MEI4: variants seen among roughly 807,000 people sequenced by gnomAD.
The protein encoded by MEI4 is meiosis-specific protein MEI4.
A neutral mutation model predicts 31.4 loss-of-function variants in MEI4; 27 were observed. That is an observed-to-expected ratio of 0.86 (90% CI 0.63 to 1.19). MEI4 has a LOEUF of 1.19. Among genes scored for constraint, MEI4 ranks in the 50% most tolerant of loss-of-function variants. The probability of loss-of-function intolerance (pLI) is 0.00; values close to 1 mark genes in which losing one functional copy is unlikely to be tolerated. For synonymous variants in MEI4, 122 were observed against 145.4 expected, an observed-to-expected ratio of 0.84 and a Z score of 1.16; for missense variants, 329 against 398.9, an observed-to-expected ratio of 0.82 and a Z score of 1.49.
chr6:77,923,051 T>TATG (rs1766746260), intron 4 of MEI4, 38 bp from the exon 5 acceptor site: 1 of 1,204,880 alleles, frequency 8.3e-7, no homozygotes, highest in Admixed American at 4.3e-5. Context: ...AGGTAATTTA[T>TATG]ACCCAATTTT....
At chr6:77,908,344 T>C (rs1766348363) in intron 4 of MEI4, among the ~76,000 whole-genome samples, 1 of 152,158 alleles carries the variant, frequency 6.6e-6, no homozygotes, top group Non-Finnish European at 1.5e-5. Context: ...AAGGAAGGGA[T>C]CCAGTTTCAG....
intron 4 of MEI4, among the ~76,000 whole-genome samples, chr6:77,860,843 C>T (rs1770846767): frequency 6.6e-6 from 1 of 152,116 alleles, no homozygotes; most frequent in Admixed American, 6.5e-5. Flanking sequence ...TATCTCTCTC[C>T]CTCTTCATAT....
intron 2 of MEI4, among the ~76,000 whole-genome samples, chr6:77,717,129 G>A (rs1766600944): frequency 1.5e-5 from 2 of 133,834 alleles, no homozygotes; most frequent in Admixed American, 7.8e-5. Flanking sequence ...TTGATCATCT[G>A]TGGGTGTTTC....
At chr6:77,778,682 A>G (rs1768519469) in intron 3 of MEI4, among the ~76,000 whole-genome samples, 2 of 151,906 alleles carry the variant, frequency 1.3e-5, no homozygotes, top group Non-Finnish European at 2.9e-5. Context: ...CCTGAGTGAC[A>G]GAGCGAGACC....
chr6:77,743,676 C>T (rs894948633), intron 2 of MEI4, among the ~76,000 whole-genome samples: 2 of 150,926 alleles, frequency 1.3e-5, no homozygotes, highest in African/African-American at 2.4e-5. Flanking sequence ...CAAGTGGGTC[C>T]CTGACCCCTG....
chr6:77,790,076 TA>T (rs997681593), intron 3 of MEI4, among the ~76,000 whole-genome samples: 1 of 151,786 alleles, frequency 6.6e-6, no homozygotes, highest in Non-Finnish European at 1.5e-5. Flanking sequence ...TATGCAGCCA[TA>T]AAAAATGATG....
intron 2 of MEI4, among the ~76,000 whole-genome samples, chr6:77,695,077 G>C: frequency 6.6e-6 from 1 of 152,204 alleles, no homozygotes; most frequent in Admixed American, 6.5e-5. Flanking sequence ...AGAAGTGTCT[G>C]TTCGTATCCT....
chr6:77,802,307 G>A (rs1769287138), intron 3 of MEI4, among the ~76,000 whole-genome samples: 1 of 152,036 alleles, frequency 6.6e-6, no homozygotes, highest in African/African-American at 2.4e-5. Context: ...GCCTTTGTTT[G>A]TTTTCCATTT....
intron 3 of MEI4, among the ~76,000 whole-genome samples, chr6:77,792,275 T>C (rs1768957271): frequency 6.6e-6 from 1 of 152,196 alleles, no homozygotes; most frequent in African/African-American, 2.4e-5. Context: ...AATATATGTT[T>C]TTTCAAAATA....
At chr6:77,912,409 T>C (rs1766453641) in intron 4 of MEI4, among the ~76,000 whole-genome samples, 1 of 152,088 alleles carries the variant, frequency 6.6e-6, no homozygotes, top group Admixed American at 6.6e-5. Context: ...TAGATTAGAG[T>C]AATATGATCA....
At chr6:77,828,319 A>AG in intron 3 of MEI4, among the ~76,000 whole-genome samples, 1 of 151,648 alleles carries the variant, frequency 6.6e-6, no homozygotes, top group Non-Finnish European at 1.5e-5. Context: ...AGTGAGCAGC[A>AG]GGGGAGCTAG....
intron 1 of MEI4, among the ~76,000 whole-genome samples, chr6:77,662,198 G>T (rs997410275): frequency 2.6e-5 from 4 of 152,226 alleles, no homozygotes; most frequent in Non-Finnish European, 5.9e-5. Context: ...CTGAGAGGTA[G>T]TGGAGAGGGG....
chr6:77,870,425 G>A (rs933460176), intron 4 of MEI4, among the ~76,000 whole-genome samples: 2 of 152,178 alleles, frequency 1.3e-5, no homozygotes, highest in Non-Finnish European at 1.5e-5. Context: ...TCCACGTTTA[G>A]AATGCCAAGG....
intron 1 of MEI4, among the ~76,000 whole-genome samples, chr6:77,661,850 A>T (rs1274829389): frequency 6.6e-6 from 1 of 152,070 alleles, no homozygotes; most frequent in African/African-American, 2.4e-5. Context: ...AGTGAAGGAG[A>T]AAAACTGGCC....
chr6:77,891,786 T>C (rs999080195), intron 4 of MEI4, among the ~76,000 whole-genome samples: 1 of 152,258 alleles, frequency 6.6e-6, no homozygotes, highest in African/African-American at 2.4e-5. Flanking sequence ...GGAAAGACTT[T>C]TTTATTGTTG....
At chr6:77,765,623 G>A (rs1045952974) in intron 3 of MEI4, among the ~76,000 whole-genome samples, 1 of 137,598 alleles carries the variant, frequency 7.3e-6, no homozygotes, top group Admixed American at 8.3e-5. Flanking sequence ...GTGGAAGACA[G>A]TGTGGCAATT....
intron 3 of MEI4, among the ~76,000 whole-genome samples, chr6:77,781,285 T>C (rs193057106): frequency 6.6e-6 from 1 of 152,292 alleles, no homozygotes; most frequent in African/African-American, 2.4e-5. Flanking sequence ...TAGGGATTGC[T>C]TTTGTATAGC....
rs1582091589 is a variant in MEI4, at chr6:77,744,209, T to C, written c.233-16921T>C. ...AAATTCAAACCAAAGGCAAAGAAGT[T>C]AAAAGCTTTGAAAAAAATTTAGACG... On this transcript the variant is annotated intron_variant, in intron 2 of 4. Coordinates refer to ENST00000684080, the MANE Select transcript of MEI4 (RefSeq NM_001322247.2). Among the ~76,000 whole-genome samples the C allele has an allele frequency of 3.9e-5, 6 of 152,178 alleles. No homozygotes were observed. The South Asian group carries it at 1.2e-3, about 32-fold the overall frequency.
Position 77,923,070 on chromosome 6 carries a change from G to A in MEI4, c.901-19G>A. 3.3e-6 allele frequency: 4 copies of A among 1,227,782 alleles called. No homozygotes were observed. Among genetic ancestry groups the A allele is most frequent in the Non-Finnish European group, 4.1e-6 (4 of 984,506 alleles). 76.1% of individuals were successfully genotyped at this position (1,227,782 alleles called of 1,614,324 possible). On this transcript the variant is annotated intron_variant, in intron 4 of 4. Transcript: ENST00000684080. ...AATTTATACCCAATTTTTTAAAGGA[G>A]TTTGTTGTTTATTTGTAGGAGCAAG...
Sources: gnomAD v4.1 joint callset for allele counts (sites outside exome capture counted in the v4.1 genomes callset) on GRCh38, gnomAD v4.1.1 for gene constraint, MANE v1.5 for transcripts, NCBI Gene and HGNC (gene_info 2026-07-23, HGNC 2026-07-21) for gene names.